RASA3: variants seen among roughly 807,000 people sequenced by gnomAD.
RASA3 encodes ras GTPase-activating protein 3.
Under a neutral mutation model 110.0 loss-of-function variants are expected in RASA3, and 73 were observed. The ratio of observed to expected loss-of-function variants is 0.66; its 90% confidence interval spans 0.55 to 0.81. The LOEUF is 0.81. Among genes scored for constraint, RASA3 ranks in the 30% least tolerant of loss-of-function variants. RASA3 has a pLI of 0.00. For synonymous variants in RASA3, 500 were observed against 451.4 expected, an observed-to-expected ratio of 1.11 and a Z score of -1.37; for missense variants, 976 against 1,113.2, an observed-to-expected ratio of 0.88 and a Z score of 1.75.
intron 2 of RASA3, among the ~76,000 whole-genome samples, chr13:114,072,828 C>T (rs1452922387): frequency 3.9e-5 from 6 of 152,124 alleles, no homozygotes; most frequent in African/African-American, 9.7e-5. Flanking sequence ...TCTCTACACG[C>T]GGGAAAATAG....
intron 2 of RASA3, 25 bp downstream of exon 2, chr13:114,073,695 C>G: frequency 1.9e-6 from 3 of 1,559,948 alleles, no homozygotes; most frequent in Non-Finnish European, 2.7e-6. Flanking sequence ...ACATCAGTGC[C>G]AAGTAAAGCA....
Position 114,116,372 on chromosome 13 carries a change from T to C in RASA3, c.55+16063A>G, listed in dbSNP as rs75978597. On this transcript the variant is annotated intron_variant, in intron 1 of 23. Transcript: ENST00000334062. The stretch of plus-strand genomic sequence containing the variant: ...TCCCTACCCCTCCCTATGAATGCTT[T>C]TTCATAAACATGCCGCATTCTGAGG... Among the ~76,000 whole-genome samples the C allele has an allele frequency of 9.7e-3, 1,470 of 152,148 alleles. 126 individuals carry two copies. The East Asian group carries it at 0.21, about 22-fold the overall frequency.
intron 1 of RASA3, among the ~76,000 whole-genome samples, chr13:114,082,898 C>T (rs1419894708): frequency 1.3e-5 from 2 of 152,196 alleles, no homozygotes; most frequent in Non-Finnish European, 2.9e-5. Context: ...ATACACAGTC[C>T]TCTACTTCAA....
intron 9 of RASA3, among the ~76,000 whole-genome samples, chr13:114,019,492 T>C (rs1047896430): frequency 2.0e-5 from 3 of 152,160 alleles, no homozygotes; most frequent in African/African-American, 7.2e-5. Flanking sequence ...GTGGAGCCTG[T>C]GTCCGAGGCC....
chr13:114,042,914 G>A (rs780773335), intron 3 of RASA3, among the ~76,000 whole-genome samples: 9 of 152,176 alleles, frequency 5.9e-5, no homozygotes, highest in Non-Finnish European at 8.8e-5. Context: ...CGAGCAGGCC[G>A]GGGCTGCAGG....
At chr13:114,017,512 T>C (rs970589843) in intron 11 of RASA3, among the ~76,000 whole-genome samples, 161 bp from the exon 12 acceptor site, 5 of 152,220 alleles carry the variant, frequency 3.3e-5, no homozygotes, top group Admixed American at 6.5e-5. Flanking sequence ...GGCCAGGTGC[T>C]TGGAGGCCCT....
At chr13:113,996,847 C>G (rs748331268) in intron 20 of RASA3, 108 bp from the exon 21 acceptor site, 1 of 1,000,076 alleles carries the variant, frequency 1.0e-6, no homozygotes, top group African/African-American at 1.6e-5. Context: ...TAAGAGGGGA[C>G]GCTGAGGGTG....
Position 114,018,209 on chromosome 13 carries a change from C to A in RASA3, c.986G>T (p.Arg329Leu), listed in dbSNP as rs769319468. ...SAAHILGEVC[R>L]EKQEAAVPLV... ...CGGGACGGCCGCCTCCTGCTTCTCC[C>A]GGCAAACCTCGCCCAGGATGTGGGC... The change falls in exon 11 of 24, where the codon CGG becomes CTG. Residue 329 changes from arginine (R) to leucine (L), a missense_variant. Arg to Leu is a moderately radical substitution (Grantham distance 102). Around this residue, in one of 4 missense-constraint regions of RASA3, gnomAD observed 732 missense variants for 779.7 expected, o/e 0.94. Transcript: ENST00000334062. 8 of 1,553,420 alleles carry A rather than the reference C, an allele frequency of 5.1e-6. No homozygotes were observed. The highest frequency in any genetic ancestry group is 3.9e-5 in the Admixed American group (2 of 51,634).
intron 3 of RASA3, among the ~76,000 whole-genome samples, chr13:114,042,956 A>G (rs1179113619): frequency 1.3e-5 from 2 of 152,190 alleles, no homozygotes; most frequent in Non-Finnish European, 2.9e-5. Flanking sequence ...CCTTCCTGCC[A>G]GCGTTCCTTC....
chr13:114,132,398 C>CG (rs1394941123), intron 1 of RASA3, 37 bp downstream of exon 1: 9 of 1,488,396 alleles, frequency 6.0e-6, no homozygotes, highest in Non-Finnish European at 3.6e-6. Context: ...AGGGTCGGGC[C>CG]GGGGGGTCGG....
chr13:114,088,941 C>T (rs1229271890), intron 1 of RASA3, among the ~76,000 whole-genome samples: 1 of 152,006 alleles, frequency 6.6e-6, no homozygotes, highest in African/African-American at 2.4e-5. Flanking sequence ...AGAGACGATC[C>T]GTAAGAAATA....
intron 22 of RASA3, among the ~76,000 whole-genome samples, chr13:113,990,516 G>A (rs2053083412): frequency 6.6e-6 from 1 of 152,228 alleles, no homozygotes; most frequent in South Asian, 2.1e-4. Flanking sequence ...TCTGGCCTCT[G>A]CTGTGTCGGT....
At chr13:114,005,072 G>A (rs2139192473) in intron 18 of RASA3, among the ~76,000 whole-genome samples, 1 of 152,310 alleles carries the variant, frequency 6.6e-6, no homozygotes, top group South Asian at 2.1e-4. Flanking sequence ...AAACACGGAG[G>A]GGCGGGGCGC....
rs116909995 is a variant in RASA3, at chr13:114,037,915, G to A, written c.372+3085C>T. On this transcript the variant is annotated intron_variant, in intron 4 of 23. Coordinates refer to ENST00000334062, the MANE Select transcript of RASA3 (RefSeq NM_007368.4). ...AGAAGGGAGCACGGCCGTCCGTTCG[G>A]GGGAGCCGGGAGAAGGGAGCACGGC... Among the ~76,000 whole-genome samples, 866 of 151,912 alleles carry A rather than the reference G, an allele frequency of 5.7e-3. 23 individuals are homozygous for A. Among genetic ancestry groups the A allele is most frequent in the East Asian group, 0.056 (289 of 5,124 alleles).
intron 1 of RASA3, chr13:114,077,778 C>T (rs891039145): frequency 5.1e-6 from 5 of 971,370 alleles, no homozygotes; most frequent in Non-Finnish European, 6.1e-6. Flanking sequence ...GTTCCTCCCT[C>T]CCCGCCCGAT....
At chr13:114,060,969 G>A (rs1235500600) in intron 2 of RASA3, among the ~76,000 whole-genome samples, 3 of 144,066 alleles carry the variant, frequency 2.1e-5, no homozygotes, top group Admixed American at 6.7e-5. Flanking sequence ...CCGGCAGATG[G>A]AGCCCCCCAC....
At chr13:114,005,293 G>T (rs550098489) in intron 18 of RASA3, among the ~76,000 whole-genome samples, 1 of 152,354 alleles carries the variant, frequency 6.6e-6, no homozygotes, top group South Asian at 2.1e-4. Flanking sequence ...GCAGAGCAAA[G>T]CCCCGAGCGG....
chr13:114,045,270 A>G (rs2079034192), intron 3 of RASA3, among the ~76,000 whole-genome samples: 1 of 152,180 alleles, frequency 6.6e-6, no homozygotes, highest in East Asian at 1.9e-4. Flanking sequence ...AGTCACACCG[A>G]AAAGTTTACC....
In RASA3 at chr13:113,989,161, A is replaced by C. The variant is rs186181823; in HGVS notation, c.2245+3324T>G. Among the ~76,000 whole-genome samples the C allele has an allele frequency of 2.0e-3, 268 of 137,070 alleles. 2 individuals carry two copies. Among genetic ancestry groups the C allele is most frequent in the Non-Finnish European group, 2.8e-3 (178 of 64,478 alleles). The allele number at this position is 137,070 out of a possible 152,430, so 89.9% of individuals were successfully genotyped here. On this transcript the variant is annotated intron_variant, in intron 22 of 23. Transcript: ENST00000334062. ...CCACCCATCACTCAACCCTCGGTCC[A>C]TCCTCTCATCACTCACCCTGTCCTC...
Sources: gnomAD v4.1 joint callset for allele counts (sites outside exome capture counted in the v4.1 genomes callset) on GRCh38, gnomAD v4.1.1 for gene constraint, gnomAD v4.1.1 regional missense constraint, MANE v1.5 for transcripts, NCBI Gene and HGNC (gene_info 2026-07-23, HGNC 2026-07-21) for gene names.